SELE: variants seen among roughly 807,000 people sequenced by gnomAD.
SELE encodes E-selectin.
Under a neutral mutation model 75.8 loss-of-function variants are expected in SELE, and 52 were observed. That is an observed-to-expected ratio of 0.69 (90% CI 0.55 to 0.86). The LOEUF is 0.86. Among genes scored for constraint, SELE ranks in the 40% least tolerant of loss-of-function variants. SELE has a pLI of 0.00. For synonymous variants in SELE, 285 were observed against 258.7 expected (o/e 1.10, Z -0.98); for missense variants, 754 against 732.7 (o/e 1.03, Z -0.34).
intron 5 of SELE, among the ~76,000 whole-genome samples, 195 bp downstream of exon 5, chr1:169,730,237 T>C (rs944418804): frequency 2.6e-5 from 4 of 151,896 alleles, no homozygotes; most frequent in Admixed American, 6.6e-5. Flanking sequence ...ATTTCAAGCA[T>C]AGAATAAAAA....
chr1:169,726,831 G>A (rs768334188), intron 10 of SELE, 25 bp from the exon 11 acceptor site: 3 of 1,530,520 alleles, frequency 2.0e-6, no homozygotes, highest in Admixed American at 1.7e-5. Context: ...GACGAAGAAA[G>A]GTCATGAGGA....
chr1:169,726,785 G>A lies in SELE; in HGVS notation c.1667C>T (p.Pro556Leu). The A allele has an allele frequency of 1.9e-6, 3 of 1,613,200 alleles. No individual in the cohort carries two copies. Among genetic ancestry groups the A allele is most frequent in the Middle Eastern group, 1.7e-4 (1 of 6,058 alleles). Residue 556 changes from proline to leucine, a missense_variant, in exon 11 of 14, where the codon CCC becomes CTC. Coordinates refer to ENST00000333360, the MANE Select transcript of SELE (RefSeq NM_000450.2). ...TCEAPTESNI[P>L]LVAGLSAAGL... ...AGCAGCAGAAAGTCCAGCTACCAAG[G>A]GAATGTTGGACTCAGTGGGAGCTAA... is the stretch of plus-strand genomic sequence containing the variant.
At chr1:169,732,019 G>A (rs552501948) in intron 3 of SELE, 77 bp from the exon 4 acceptor site, 74 of 874,042 alleles carry the variant, frequency 8.5e-5, no homozygotes, top group Non-Finnish European at 1.4e-4. Flanking sequence ...AGAATCAACA[G>A]TGTGCAACAG....
intron 11 of SELE, among the ~76,000 whole-genome samples, chr1:169,726,192 G>A (rs1229666229): frequency 1.3e-5 from 2 of 152,142 alleles, no homozygotes; most frequent in Non-Finnish European, 2.9e-5. Flanking sequence ...AATTTTTCAT[G>A]AGAAGTCCAA....
chr1:169,727,207 C>A, intron 10 of SELE, 142 bp downstream of exon 10: 1 of 810,052 alleles, frequency 1.2e-6, no homozygotes, highest in South Asian at 2.0e-5. Context: ...TTTTCTCTAT[C>A]CCCATACAAC....
rs1467714028 is a variant in SELE, at chr1:169,732,810, T to C, written c.226A>G (p.Lys76Glu). 1 of 1,614,196 alleles carries C rather than the reference T, an allele frequency of 6.2e-7. No homozygotes were observed. The highest frequency in any genetic ancestry group is 1.7e-5 in the Admixed American group (1 of 60,026). The change falls in exon 3 of 14, where the codon AAA (lysine) becomes GAA (glutamate). Residue 76 changes from lysine (K) to glutamate (E), a missense_variant. Lys to Glu is a moderately conservative substitution (Grantham distance 56). Transcript: ENST00000333360. ...SPSYYWIGIR[K>E]VNNVWVWVGT... ...ACCCAGACCCACACATTGTTGACTT[T>C]TCTGATTCCAATCCAGTAATAACTT...
At position 169,727,533 on chromosome 1, in the gene SELE, T is replaced by G; in HGVS notation, c.1469-8A>C. 3.7e-6 allele frequency: 6 copies of G among 1,609,784 alleles called. No homozygotes were observed. Among genetic ancestry groups the G allele is most frequent in the Non-Finnish European group, 5.1e-6 (6 of 1,178,114 alleles). On this transcript the variant is annotated splice_polypyrimidine_tract_variant and splice_region_variant and intron_variant, in intron 9 of 13. Transcript: ENST00000333360. ...GGCTTGAACATTTTACCACTGCAAATGTTAGGTACACAGGCAGAGTTTCAG... is the reference window on the plus strand; with the variant it reads ...GGCTTGAACATTTTACCACTGCAAAGGTTAGGTACACAGGCAGAGTTTCAG...
At chr1:169,729,144 T>C in intron 7 of SELE, 42 bp downstream of exon 7, 1 of 1,521,224 alleles carries the variant, frequency 6.6e-7, no homozygotes, top group Non-Finnish European at 8.9e-7. Flanking sequence ...TTGAAGATGG[T>C]TGTTCTTTAA....
chr1:169,732,365 G>A (rs1366413314), intron 3 of SELE, among the ~76,000 whole-genome samples: 1 of 149,490 alleles, frequency 6.7e-6, no homozygotes, highest in African/African-American at 2.5e-5. Context: ...TATAAATGCT[G>A]TAGGCTATAT....
At chr1:169,726,443 G>A (rs548956145) in intron 11 of SELE, among the ~76,000 whole-genome samples, 1 of 152,166 alleles carries the variant, frequency 6.6e-6, no homozygotes, top group Non-Finnish European at 1.5e-5. Flanking sequence ...AATTCCGGGA[G>A]GCATCATATA....
Position 169,725,796 on chromosome 1 carries a change from C to T in SELE, c.1781G>A (p.Cys594Tyr). 1 of 1,614,050 alleles carries T rather than the reference C, an allele frequency of 6.2e-7. No individual in the cohort carries two copies. The highest frequency in any genetic ancestry group is 1.6e-4 in the Middle Eastern group (1 of 6,062). ...KAKKFVPASS[C>Y]QSLESDGSYQ... ...GCTTCCATCTGATTCAAGGCTTTGGCAGCTGCTGTGGAATACATGAGAACA... is the reference window on the plus strand; with the variant it reads ...GCTTCCATCTGATTCAAGGCTTTGGTAGCTGCTGTGGAATACATGAGAACA... The change falls in exon 13 of 14, where the codon TGC (cysteine) becomes TAC (tyrosine). Residue 594 changes from cysteine (C) to tyrosine (Y), a missense_variant. Coordinates refer to ENST00000333360, the MANE Select transcript of SELE (RefSeq NM_000450.2).
In SELE at chr1:169,729,473, G is replaced by C; in HGVS notation, c.901+15C>G. 1 of 1,613,030 alleles carries C rather than the reference G, an allele frequency of 6.2e-7. No homozygotes were observed. The highest frequency in any genetic ancestry group is 2.2e-5 in the East Asian group (1 of 44,852). ...AAGAATGTTCACAGTAAGTCTCCAT[G>C]TGGAACAACTCTACCTTTACACGTT... is the stretch of plus-strand genomic sequence containing the variant. On this transcript the variant is annotated intron_variant, in intron 6 of 13. Transcript: ENST00000333360.
chr1:169,731,893 G>C lies in SELE; in HGVS notation c.471C>G (p.Thr157=). 1 of 1,613,780 alleles carries C rather than the reference G, an allele frequency of 6.2e-7. No individual in the cohort carries two copies. Among genetic ancestry groups the C allele is most frequent in the Non-Finnish European group, 8.5e-7 (1 of 1,179,770 alleles). ...CACACTTGCAAGTGTAATTATTGAT[G>C]GTCTCTACACATTCACCGTGGCCAC... ...SCSGHGECVE[T]INNYTCKCDP... Residue 157 remains threonine (T), a synonymous_variant, in exon 4 of 14, where the codon ACC becomes ACG. Transcript: ENST00000333360.
chr1:169,726,315 G>A (rs934864302), intron 11 of SELE, among the ~76,000 whole-genome samples: 1 of 152,208 alleles, frequency 6.6e-6, no homozygotes, highest in Admixed American at 6.5e-5. Flanking sequence ...GTAGTCAGAT[G>A]TGCTTCCATA....
chr1:169,732,332 T>C (rs1031967586), intron 3 of SELE, among the ~76,000 whole-genome samples: 2 of 148,650 alleles, frequency 1.3e-5, no homozygotes, highest in African/African-American at 5.0e-5. Flanking sequence ...TGTATATGTG[T>C]GTATGTATAT....
chr1:169,727,487 T>C lies in SELE; in HGVS notation c.1507A>G (p.Asn503Asp). The change falls in exon 10 of 14, where the codon AAC becomes GAC. Residue 503 changes from asparagine (N) to aspartate (D), a missense_variant. Asn to Asp is a conservative substitution (Grantham distance 23). Transcript: ENST00000333360. ...CSSLAVPGKINMSCSGEPVFG... is the reference protein window; with the variant it reads ...CSSLAVPGKIDMSCSGEPVFG... ...ACGGGCTCCCCACTGCAGCTCATGT[T>C]GATCTTTCCCGGAACTGCCAGGCTT... 1.2e-6 allele frequency: 2 copies of C among 1,614,158 alleles called. No homozygotes were observed. Among genetic ancestry groups the C allele is most frequent in the Non-Finnish European group, 1.7e-6 (2 of 1,180,006 alleles).
Position 169,728,183 on chromosome 1 carries a change from G to A in SELE, c.1154C>T (p.Ser385Phe). The A allele has an allele frequency of 6.2e-7, 1 of 1,614,184 alleles. No individual in the cohort carries two copies. Among genetic ancestry groups the A allele is most frequent in the Non-Finnish European group, 8.5e-7 (1 of 1,180,030 alleles). Reference protein sequence around the residue: ...RGYMNCLPSASGSFRYGSSCE... With the variant: ...RGYMNCLPSAFGSFRYGSSCE... ...GCTGGACCCATAACGGAAACTGCCAGAAGCACTAGGAAGACAATTCATGTA... is the reference window on the plus strand; with the variant it reads ...GCTGGACCCATAACGGAAACTGCCAAAAGCACTAGGAAGACAATTCATGTA... Residue 385 changes from serine (S) to phenylalanine (F), a missense_variant, in exon 8 of 14, where the codon TCT becomes TTT. Ser to Phe is a radical substitution (Grantham distance 155, BLOSUM62 -2). Transcript: ENST00000333360.
rs1648952843 is a variant in SELE at position 169,732,945 on chromosome 1, T to C, written c.91A>G (p.Met31Val). Residue 31 changes from methionine (M) to valine (V), a missense_variant, in exon 3 of 14, where the codon ATG becomes GTG. By Grantham distance (21) the Met-to-Val change is conservative. Coordinates refer to ENST00000333360, the MANE Select transcript of SELE (RefSeq NM_000450.2). ...TAAGCACTGGCCTCATCATAAGTCA[T>C]AGCTTCCGTGGAGGTGTTGTAAGAC... ...AWSYNTSTEA[M>V]TYDEASAYCQ... is the part of the protein sequence containing the mutation. 1.2e-6 allele frequency: 2 copies of C among 1,612,778 alleles called. No homozygotes were observed. Among genetic ancestry groups the C allele is most frequent in the South Asian group, 2.2e-5 (2 of 90,648 alleles).
intron 4 of SELE, among the ~76,000 whole-genome samples, chr1:169,730,999 A>T (rs1381332080): frequency 6.6e-6 from 1 of 152,230 alleles, no homozygotes; most frequent in African/African-American, 2.4e-5. Context: ...TCCAACCAGG[A>T]TGAGAACCAT....
Sources: gnomAD v4.1 joint callset for allele counts (sites outside exome capture counted in the v4.1 genomes callset) on GRCh38, gnomAD v4.1.1 for gene constraint, MANE v1.5 for transcripts, NCBI Gene and HGNC (gene_info 2026-07-23, HGNC 2026-07-21) for gene names.